The following PDS5B variants were observed in gnomAD, a reference collection of about 807,000 sequenced individuals.
PDS5B encodes sister chromatid cohesion protein PDS5 homolog B.
Under a neutral mutation model 184.1 loss-of-function variants are expected in PDS5B, and 51 were observed. The ratio of observed to expected loss-of-function variants is 0.28; its 90% CI spans 0.22 to 0.35. The LOEUF is 0.35. PDS5B is among the 10% of genes least tolerant of loss of function. The pLI is 1.00. For missense variants in PDS5B, 1,180 were observed against 1,723.3 expected, an observed-to-expected ratio of 0.68 and a Z score of 5.58; for synonymous variants, 566 against 569.2, an observed-to-expected ratio of 0.99 and a Z score of 0.08.
intron 3 of PDS5B, among the ~76,000 whole-genome samples, chr13:32,656,705 T>C (rs990180427): frequency 6.6e-6 from 1 of 151,346 alleles, no homozygotes; most frequent in African/African-American, 2.4e-5. Flanking sequence ...CAAGCAATTC[T>C]CCTGTCTCAG....
At chr13:32,771,642 C>CAGT (rs1398050584) in intron 33 of PDS5B, among the ~76,000 whole-genome samples, 5 of 152,122 alleles carry the variant, frequency 3.3e-5, no homozygotes, top group Admixed American at 6.5e-5. Context: ...GGTGTCTAGC[C>CAGT]AGTACTTCAT....
Position 32,760,631 on chromosome 13 carries a change from G to A in PDS5B, c.3429G>A (p.Lys1143=). 1 of 1,614,014 alleles carries A rather than the reference G, an allele frequency of 6.2e-7. No individual in the cohort carries two copies. The highest frequency in any genetic ancestry group is 1.1e-5 in the South Asian group (1 of 91,084). ...ACAAGCCACTTTCATCAGCAGGCAAGCAATCTCAGACCAAATCATCACGAA... is the reference window on the plus strand; with the variant it reads ...ACAAGCCACTTTCATCAGCAGGCAAACAATCTCAGACCAAATCATCACGAA... ...AVNKPLSSAG[K]QSQTKSSRME... is the part of the protein sequence containing the mutation. The change falls in exon 30 of 35, where the codon AAG becomes AAA. Residue 1143 remains lysine (K), a synonymous_variant. Coordinates refer to ENST00000315596, the MANE Select transcript of PDS5B (RefSeq NM_015032.4).
chr13:32,729,636 A>G (rs984611299), intron 19 of PDS5B, among the ~76,000 whole-genome samples: 4 of 152,172 alleles, frequency 2.6e-5, no homozygotes, highest in South Asian at 2.1e-4. Flanking sequence ...AATGATCGCA[A>G]TTCTAACTGA....
At chr13:32,676,932 CAAAAAAAAAAAAA>C (rs4057303) in intron 9 of PDS5B, among the ~76,000 whole-genome samples, 5 of 78,818 alleles carry the variant, frequency 6.3e-5, no homozygotes, top group East Asian at 7.3e-4. Flanking sequence ...CTCTTGTCTC[CAAAAAAAAAAAAA>C]AAAAAAAAAA....
At chr13:32,654,638 T>C (rs969392947) in intron 3 of PDS5B, among the ~76,000 whole-genome samples, 1 of 152,110 alleles carries the variant, frequency 6.6e-6, no homozygotes, top group Non-Finnish European at 1.5e-5. Context: ...GTCACCCAGG[T>C]AAAAGCATGG....
intron 1 of PDS5B, among the ~76,000 whole-genome samples, chr13:32,588,729 A>G (rs2057729083): frequency 6.6e-6 from 1 of 152,242 alleles, no homozygotes; most frequent in Non-Finnish European, 1.5e-5. Context: ...AGATGTTTGT[A>G]TTAAGCTTAT....
intron 1 of PDS5B, among the ~76,000 whole-genome samples, chr13:32,590,945 AG>A (rs956982526): frequency 7.3e-5 from 11 of 151,008 alleles, no homozygotes; most frequent in Non-Finnish European, 1.2e-4. Flanking sequence ...TTAAGTTAAA[AG>A]TTATACAGGT....
chr13:32,623,978 A>G (rs1168786806), intron 1 of PDS5B, among the ~76,000 whole-genome samples: 1 of 151,722 alleles, frequency 6.6e-6, no homozygotes, highest in East Asian at 1.9e-4. Context: ...CGCCCAGCTA[A>G]TTTTTGTATT....
intron 1 of PDS5B, among the ~76,000 whole-genome samples, chr13:32,631,201 G>A (rs1427542449): frequency 6.8e-6 from 1 of 147,024 alleles, no homozygotes; most frequent in Admixed American, 7.0e-5. Flanking sequence ...CTGTAGCCTC[G>A]ACATCCCTAG....
chr13:32,723,229 G>A (rs1952779442), intron 19 of PDS5B, among the ~76,000 whole-genome samples: 1 of 152,070 alleles, frequency 6.6e-6, no homozygotes, highest in Non-Finnish European at 1.5e-5. Flanking sequence ...CAAATACTGT[G>A]TATTTTATAT....
intron 1 of PDS5B, among the ~76,000 whole-genome samples, chr13:32,608,112 G>A (rs932076802): frequency 2.6e-5 from 4 of 152,184 alleles, no homozygotes; most frequent in Non-Finnish European, 5.9e-5. Context: ...GAAATCACCC[G>A]TGTTCTGCGT....
intron 19 of PDS5B, among the ~76,000 whole-genome samples, chr13:32,722,907 C>T (rs1929937): frequency 0.44 from 67,030 of 151,926 alleles, 15,194 homozygotes; most frequent in African/African-American, 0.49. Context: ...TAGTGTCTTG[C>T]AGTGGAAGAA....
chr13:32,616,288 C>G (rs2058218871), intron 1 of PDS5B, among the ~76,000 whole-genome samples: 2 of 152,156 alleles, frequency 1.3e-5, no homozygotes, highest in Admixed American at 1.3e-4. Flanking sequence ...CTCCTGACCT[C>G]AGGTGATCCA....
chr13:32,610,588 T>G (rs558344269), intron 1 of PDS5B, among the ~76,000 whole-genome samples: 1 of 152,246 alleles, frequency 6.6e-6, no homozygotes, highest in East Asian at 1.9e-4. Flanking sequence ...TGTGCCAATG[T>G]TAGTAGTAGA....
At chr13:32,589,898 A>AT (rs2057748320) in intron 1 of PDS5B, among the ~76,000 whole-genome samples, 1 of 132,596 alleles carries the variant, frequency 7.5e-6, no homozygotes, top group Admixed American at 7.4e-5. Flanking sequence ...GATTCTAACC[A>AT]TTTCCCCCAT....
chr13:32,714,042 GC>G (rs1379597826), intron 19 of PDS5B, among the ~76,000 whole-genome samples: 2 of 152,122 alleles, frequency 1.3e-5, no homozygotes, highest in Non-Finnish European at 2.9e-5. Context: ...GATCCGTGAT[GC>G]CCCACAAGCC....
At chr13:32,648,180 G>A (rs1391505377) in intron 1 of PDS5B, among the ~76,000 whole-genome samples, 1 of 152,174 alleles carries the variant, frequency 6.6e-6, no homozygotes, top group African/African-American at 2.4e-5. Flanking sequence ...TTCATTTCTA[G>A]TTTACCCTCT....
chr13:32,771,601 T>C (rs952601907), intron 33 of PDS5B, among the ~76,000 whole-genome samples: 7 of 152,116 alleles, frequency 4.6e-5, no homozygotes, highest in African/African-American at 1.7e-4. Context: ...CCTATTCCTG[T>C]GTATTCCACA....
chr13:32,629,045 A>G (rs1489571931), intron 1 of PDS5B, among the ~76,000 whole-genome samples: 2 of 152,210 alleles, frequency 1.3e-5, no homozygotes, highest in African/African-American at 2.4e-5. Flanking sequence ...TCACATTTCC[A>G]GTAACATCTG....
Sources: allele counts gnomAD v4.1 joint callset (sites outside exome capture counted in the v4.1 genomes callset), GRCh38; gene constraint gnomAD v4.1.1; transcripts MANE v1.5; gene names NCBI Gene and HGNC (gene_info 2026-07-23, HGNC 2026-07-21).